DNM3: variants seen among roughly 807,000 people sequenced by gnomAD.
The protein encoded by DNM3 is dynamin-3.
In DNM3, 47 loss-of-function variants were observed where a neutral mutation model predicts 101.6. The observed-to-expected ratio is 0.46, with a 90% confidence interval of 0.37 to 0.59. DNM3 has a LOEUF of 0.59. Among genes scored for constraint, DNM3 ranks in the 20% least tolerant of loss-of-function variants. The pLI is 0.00. For synonymous variants in DNM3, 385 were observed against 387.9 expected (o/e 0.99, Z 0.09); for missense variants, 849 against 1,085.7 (o/e 0.78, Z 3.06).
chr1:172,054,908 G>A (rs1218864665), intron 10 of DNM3, among the ~76,000 whole-genome samples: 3 of 151,988 alleles, frequency 2.0e-5, no homozygotes, highest in East Asian at 1.9e-4. Flanking sequence ...GCAGTGAGCC[G>A]AGATTGCACT....
chr1:172,402,364 C>G (rs1481559770), intron 20 of DNM3, among the ~76,000 whole-genome samples: 2 of 152,082 alleles, frequency 1.3e-5, no homozygotes, highest in Admixed American at 1.3e-4. Flanking sequence ...GTATAACTCT[C>G]TCATGATCCT....
intron 4 of DNM3, among the ~76,000 whole-genome samples, chr1:172,027,029 G>A (rs1191705468): frequency 6.6e-6 from 1 of 152,106 alleles, no homozygotes; most frequent in Non-Finnish European, 1.5e-5. Context: ...ATCCTTTACA[G>A]ACAAGCAAAT....
chr1:172,161,636 A>G (rs1361458169), intron 14 of DNM3, among the ~76,000 whole-genome samples: 1 of 151,974 alleles, frequency 6.6e-6, no homozygotes, highest in African/African-American at 2.4e-5. Flanking sequence ...CAATCTGGTA[A>G]TGTAATTGGT....
intron 16 of DNM3, among the ~76,000 whole-genome samples, chr1:172,317,790 A>G (rs891051170): frequency 7.9e-5 from 12 of 152,256 alleles, no homozygotes; most frequent in African/African-American, 2.7e-4. Context: ...ATGGATTCAC[A>G]GCCGAATTCT....
intron 15 of DNM3, among the ~76,000 whole-genome samples, chr1:172,257,246 T>C (rs1448357817): frequency 6.6e-6 from 1 of 152,116 alleles, no homozygotes; most frequent in Admixed American, 6.6e-5. Context: ...AAAATACACC[T>C]GTGAATCAAA....
rs1431875355 is a variant in DNM3 at position 172,048,720 on chromosome 1, A to G, written c.1305A>G (p.Leu435=). Residue 435 remains leucine, a synonymous_variant, in exon 10 of 21, where the codon TTA becomes TTG. Transcript: ENST00000627582. ...LKSVDLVIQE[L]INTVKKCTKK... is the part of the protein sequence containing the mutation. ...GTGTGGATCTGGTAATACAAGAATT[A>G]ATCAACACTGTGAAGAAGTGTACCA... 6.2e-7 allele frequency: 1 copy of G among 1,611,792 alleles called. No homozygotes were observed. The highest frequency in any genetic ancestry group is 8.5e-7 in the Non-Finnish European group (1 of 1,179,040).
At chr1:172,144,814 A>G in intron 14 of DNM3, 1 of 332,364 alleles carries the variant, frequency 3.0e-6, no homozygotes, top group Non-Finnish European at 6.0e-6. Flanking sequence ...GGAACTGGCA[A>G]TGAATTTAGG....
Position 172,263,760 on chromosome 1 carries a change from C to T in DNM3, c.1769+10078C>T, listed in dbSNP as rs530245144. Among the ~76,000 whole-genome samples the T allele has an allele frequency of 2.0e-5, 3 of 152,278 alleles. No homozygotes were observed. The East Asian group carries it at 5.8e-4, about 29-fold the overall frequency. ...TGACATGTGGGATTTATGGGAGCTA[C>T]AATTCAAGATGAGATTTGGGTGGGG... On this transcript the variant is annotated intron_variant, in intron 15 of 20. Transcript: ENST00000627582.
intron 14 of DNM3, among the ~76,000 whole-genome samples, chr1:172,171,697 C>G (rs2148345865): frequency 6.6e-6 from 1 of 151,686 alleles, no homozygotes; most frequent in Admixed American, 6.6e-5. Flanking sequence ...TTGATATCAA[C>G]CTTAGACAGA....
chr1:172,097,708 T>C (rs890677174), intron 13 of DNM3, among the ~76,000 whole-genome samples: 7 of 152,176 alleles, frequency 4.6e-5, no homozygotes, highest in Admixed American at 1.3e-4. Context: ...GTGGTTATCA[T>C]GGGAAATTCA....
In DNM3 at chr1:171,841,604, G is replaced by C; in HGVS notation, c.-53G>C. Reference sequence around the variant, plus strand: ...CAGGGCAGCGCGGCCCCTACTCCCTGTCAGGTCGTAGAGGCGAGCAGGGAC... The same window carrying C: ...CAGGGCAGCGCGGCCCCTACTCCCTCTCAGGTCGTAGAGGCGAGCAGGGAC... On this transcript the variant is annotated 5_prime_UTR_variant, in exon 1 of 21. Transcript: ENST00000627582. 2.5e-6 allele frequency: 4 copies of C among 1,574,208 alleles called. No homozygotes were observed. The highest frequency in any genetic ancestry group is 3.4e-6 in the Non-Finnish European group (4 of 1,162,666).
intron 14 of DNM3, among the ~76,000 whole-genome samples, chr1:172,238,425 T>C (rs1408374021): frequency 6.6e-6 from 1 of 152,144 alleles, no homozygotes; most frequent in Non-Finnish European, 1.5e-5. Context: ...TCCTTGTAAA[T>C]GGAAGGACTG....
At chr1:171,887,756 G>A (rs1281563570) in intron 1 of DNM3, among the ~76,000 whole-genome samples, 1 of 151,994 alleles carries the variant, frequency 6.6e-6, no homozygotes, top group African/African-American at 2.4e-5. Flanking sequence ...CAATGTATAT[G>A]CATATCTGTA....
chr1:172,127,521 A>C (rs916880911), intron 13 of DNM3, among the ~76,000 whole-genome samples: 1 of 150,754 alleles, frequency 6.6e-6, no homozygotes, highest in African/African-American at 2.4e-5. Context: ...TGATTCTCCT[A>C]CCTCAGCCTC....
At chr1:172,275,540 A>AGC (rs201201653) in intron 15 of DNM3, among the ~76,000 whole-genome samples, 4,430 of 152,142 alleles carry the variant, frequency 0.029, 93 homozygotes, top group Middle Eastern at 0.071. Flanking sequence ...CTCTTTTCAA[A>AGC]ACCACCTTAC....
At chr1:172,107,658 A>C (rs1326858922) in intron 13 of DNM3, among the ~76,000 whole-genome samples, 1 of 152,218 alleles carries the variant, frequency 6.6e-6, no homozygotes, top group Non-Finnish European at 1.5e-5. Flanking sequence ...GGATGCCACT[A>C]GTTCATTATC....
chr1:171,961,021 C>T (rs2125501153), intron 2 of DNM3, among the ~76,000 whole-genome samples: 1 of 152,220 alleles, frequency 6.6e-6, no homozygotes, highest in African/African-American at 2.4e-5. Context: ...CTATAATTGA[C>T]AGTTGGCATC....
intron 1 of DNM3, among the ~76,000 whole-genome samples, chr1:171,890,360 A>G (rs2037160809): frequency 6.6e-6 from 1 of 152,210 alleles, no homozygotes; most frequent in African/African-American, 2.4e-5. Context: ...AGAAAAACCA[A>G]CTAGTTGGTT....
intron 15 of DNM3, among the ~76,000 whole-genome samples, chr1:172,287,673 T>C (rs1004198366): frequency 6.6e-6 from 1 of 152,032 alleles, no homozygotes; most frequent in African/African-American, 2.4e-5. Flanking sequence ...CAATGAATCA[T>C]GGTACTTTGA....
Sources: allele counts gnomAD v4.1 joint callset (sites outside exome capture counted in the v4.1 genomes callset), GRCh38; gene constraint gnomAD v4.1.1; transcripts MANE v1.5; gene names NCBI Gene and HGNC (gene_info 2026-07-23, HGNC 2026-07-21).